Variants in RANBP1 observed in about 807,000 individuals in gnomAD.
The protein encoded by RANBP1 is ran-specific GTPase-activating protein.
In RANBP1, 16 loss-of-function variants were observed where a neutral mutation model predicts 31.4. The observed-to-expected ratio is 0.51, with a 90% CI of 0.34 to 0.77. The LOEUF (loss-of-function observed/expected upper bound fraction) is 0.77, where lower values mean the gene tolerates loss of function less well. Among genes scored for constraint, RANBP1 ranks in the 30% least tolerant of loss-of-function variants. The pLI is 0.01. For synonymous variants in RANBP1, 129 were observed against 140.5 expected (o/e 0.92, Z 0.58); for missense variants, 265 against 362.0 (o/e 0.73, Z 2.17).
At chr22:20,118,344 T>G (rs755040468) in intron 1 of RANBP1, 4 of 1,002,266 alleles carry the variant, frequency 4.0e-6, no homozygotes, top group Non-Finnish European at 4.8e-6. Flanking sequence ...GAACCTAAAA[T>G]ATGATTATTG....
At chr22:20,119,341 CTGCAGCCAGT>C in intron 2 of RANBP1, 192 bp downstream of exon 2, 1 of 595,418 alleles carries the variant, frequency 1.7e-6, no homozygotes, top group African/African-American at 1.9e-5. Flanking sequence ...CCTTGCTGCC[CTGCAGCCAGT>C]TGCATGAAGG....
Position 20,127,190 on chromosome 22 carries a change from GGTT to G in RANBP1, c.*142_*144del. ...TATAAAGAACTGAACTCAACATTCA[GGTT>G]GTTTTTTTTTTTTGTTTCTAAGTTT... is the stretch of plus-strand genomic sequence containing the variant. On this transcript the variant is annotated 3_prime_UTR_variant, in exon 6 of 6. Transcript: ENST00000430524. The G allele has an allele frequency of 1.4e-5, 9 of 639,468 alleles. No individual in the cohort carries two copies. In the South Asian group the frequency reaches 2.3e-4, roughly 16 times the overall value. 39.6% of individuals were successfully genotyped at this position (639,468 alleles called of 1,614,324 possible).
chr22:20,117,563 G>A (rs2050065093), intron 1 of RANBP1: 2 of 1,411,238 alleles, frequency 1.4e-6, no homozygotes, highest in Non-Finnish European at 9.2e-7. Context: ...CGCCAGACGC[G>A]GAGGGAAGGA....
chr22:20,116,886 G>C, intron 1 of RANBP1: 1 of 1,594,900 alleles, frequency 6.3e-7, no homozygotes, highest in South Asian at 1.1e-5. Context: ...ACTCTACCTC[G>C]TTGTCGAGGT....
At position 20,116,203 on chromosome 22, in the gene RANBP1, C is replaced by A. The variant is rs775891759; in HGVS notation, c.19C>A (p.Arg7=). 4 of 1,613,046 alleles carry A rather than the reference C, an allele frequency of 2.5e-6. No homozygotes were observed. Among genetic ancestry groups the A allele is most frequent in the South Asian group, 1.1e-5 (1 of 91,084 alleles). ...CCTGGCCATGGGGTCGGCCTTGGGCCGGGCCAGGCGCACACTGAGTGGGCG... is the reference window on the plus strand; with the variant it reads ...CCTGGCCATGGGGTCGGCCTTGGGCAGGGCCAGGCGCACACTGAGTGGGCG... MGSALG[R]ARRTLSGRPF... The change falls in exon 1 of 6, where the codon CGG becomes AGG. Residue 7 remains arginine, a synonymous_variant. Transcript: ENST00000430524.
chr22:20,116,270 C>G lies in RANBP1; in HGVS notation c.86C>G (p.Ser29Cys). The part of the protein sequence containing the change: ...RAPCKTRRAL[S>C]LSAALRNVTK... ...CCATGCAAAACGCGCAGGGCCTTGT[C>G]CCTCTCTGCAGCGCTGCGGAATGTC... Residue 29 changes from serine to cysteine, a missense_variant, in exon 1 of 6, where the codon TCC becomes TGC. Ser to Cys is a moderately radical substitution (Grantham distance 112). Around this residue, in one of 3 missense-constraint regions of RANBP1, gnomAD observed 126 missense variants for 123.6 expected, o/e 1.02. Coordinates refer to ENST00000430524, the MANE Select transcript of RANBP1 (RefSeq NM_001278639.2). 6.2e-7 allele frequency: 1 copy of G among 1,612,990 alleles called. No homozygotes were observed.
intron 1 of RANBP1, chr22:20,117,360 A>T (rs893672355): frequency 4.1e-6 from 5 of 1,215,568 alleles, no homozygotes; most frequent in Non-Finnish European, 5.1e-6. Context: ...CCTCTGGCTG[A>T]CGGGCGGGCC....
chr22:20,126,217 T>C (rs2050293770), intron 4 of RANBP1, 86 bp from the exon 5 acceptor site: 3 of 1,475,410 alleles, frequency 2.0e-6, no homozygotes, highest in East Asian at 2.3e-5. Flanking sequence ...ATGGGTCTTC[T>C]GTGAATCCTG....
chr22:20,126,981 A>G lies in RANBP1; in HGVS notation c.766A>G (p.Lys256Glu), dbSNP rs1480115101. 6.2e-7 allele frequency: 1 copy of G among 1,613,702 alleles called. No homozygotes were observed. Among genetic ancestry groups the G allele is most frequent in the Non-Finnish European group, 8.5e-7 (1 of 1,179,812 alleles). The change falls in exon 6 of 6, where the codon AAA becomes GAA. Residue 256 changes from lysine (K) to glutamate (E), a missense_variant. By Grantham distance (56) the Lys-to-Glu change is moderately conservative. Transcript: ENST00000430524. ...ATCAGGCAAAAATGATCATGCCGAAAAAGTGGCGGAAAAGCTAGAAGCTCT... is the reference window on the plus strand; with the variant it reads ...ATCAGGCAAAAATGATCATGCCGAAGAAGTGGCGGAAAAGCTAGAAGCTCT... ...AGSGKNDHAE[K>E]VAEKLEALSV...
At chr22:20,120,206 G>A (rs2238798) in intron 2 of RANBP1, among the ~76,000 whole-genome samples, 19,785 of 152,224 alleles carry the variant, frequency 0.13, 2,218 homozygotes, top group East Asian at 0.52. Context: ...ATCCAAGGAA[G>A]GGGGCCAGGA....
At chr22:20,119,316 ATC>A in intron 2 of RANBP1, 167 bp downstream of exon 2, 1 of 653,992 alleles carries the variant, frequency 1.5e-6, no homozygotes, top group Non-Finnish European at 2.6e-6. Flanking sequence ...CCTTTCATGA[ATC>A]TTCACCAGAT....
chr22:20,125,257 G>A (rs1292213317), intron 3 of RANBP1, 51 bp from the exon 4 acceptor site: 2 of 1,606,458 alleles, frequency 1.2e-6, no homozygotes, highest in Non-Finnish European at 1.7e-6. Flanking sequence ...GGGCTGGGTG[G>A]GCTGGCCTTT....
intron 2 of RANBP1, among the ~76,000 whole-genome samples, chr22:20,121,842 G>A (rs2050177497): frequency 7.2e-6 from 1 of 138,610 alleles, no homozygotes; most frequent in Non-Finnish European, 1.6e-5. Context: ...GGGCTCAAGT[G>A]ATTGTCGTGC....
intron 1 of RANBP1, 155 bp downstream of exon 1, chr22:20,116,585 G>C: frequency 6.4e-7 from 1 of 1,558,990 alleles, no homozygotes; most frequent in South Asian, 1.2e-5. Flanking sequence ...CTGCTCTCCT[G>C]GCCACAGCTC....
At chr22:20,126,798 A>G (rs1453830493) in intron 5 of RANBP1, 154 bp from the exon 6 acceptor site, 1 of 1,334,452 alleles carries the variant, frequency 7.5e-7, no homozygotes, top group Non-Finnish European at 1.0e-6. Flanking sequence ...TCAAGAAGAC[A>G]GACTCCAGGA....
chr22:20,126,451 TCTGC>T (rs1313516737), intron 5 of RANBP1, 83 bp downstream of exon 5: 3 of 1,609,190 alleles, frequency 1.9e-6, no homozygotes, highest in Non-Finnish European at 2.5e-6. Flanking sequence ...GCTTTTTCTG[TCTGC>T]CAGATAAACA....
intron 2 of RANBP1, among the ~76,000 whole-genome samples, chr22:20,120,702 G>C (rs1355490196): frequency 6.6e-6 from 1 of 152,224 alleles, no homozygotes; most frequent in African/African-American, 2.4e-5. Flanking sequence ...AGGGCCTGTT[G>C]CCTGATTAGA....
intron 3 of RANBP1, 188 bp downstream of exon 3, chr22:20,122,609 A>C: frequency 6.6e-7 from 1 of 1,526,366 alleles, no homozygotes; most frequent in Admixed American, 2.0e-5. Context: ...GCAGGCCCGC[A>C]GCGAAGCTTA....
At position 20,122,437 on chromosome 22, in the gene RANBP1, G is replaced by T; in HGVS notation, c.541+16G>T. 1.2e-6 allele frequency: 2 copies of T among 1,610,790 alleles called. No individual in the cohort carries two copies. Among genetic ancestry groups the T allele is most frequent in the Non-Finnish European group, 1.7e-6 (2 of 1,178,298 alleles). ...AACCACTACAGTAGGTGGCATGAAC[G>T]ACCACCTCGACAGTCCCCAGCAGCT... On this transcript the variant is annotated intron_variant, in intron 3 of 5. Coordinates refer to ENST00000430524, the MANE Select transcript of RANBP1 (RefSeq NM_001278639.2).
Sources: gnomAD v4.1 joint callset for allele counts (sites outside exome capture counted in the v4.1 genomes callset) on GRCh38, gnomAD v4.1.1 for gene constraint, gnomAD v4.1.1 regional missense constraint, MANE v1.5 for transcripts, NCBI Gene and HGNC (gene_info 2026-07-23, HGNC 2026-07-21) for gene names.